CALN1: variants seen among roughly 807,000 people sequenced by gnomAD.
CALN1 encodes calneuron 1.
A neutral mutation model predicts 30.6 loss-of-function variants in CALN1; 17 were observed. That is an observed-to-expected ratio of 0.56 (90% CI 0.38 to 0.83). CALN1 has a LOEUF of 0.83. Among genes scored for constraint, CALN1 ranks in the 40% least tolerant of loss-of-function variants. The pLI, the probability that CALN1 is intolerant of heterozygous loss-of-function variation, is 0.00. For missense variants in CALN1, 291 were observed against 354.9 expected (o/e 0.82, Z 1.45); for synonymous variants, 156 against 131.4 (o/e 1.19, Z -1.28).
intron 3 of CALN1, among the ~76,000 whole-genome samples, chr7:72,152,907 T>C: frequency 6.8e-6 from 1 of 147,856 alleles, no homozygotes; most frequent in South Asian, 2.1e-4. Context: ...GCACTGTTTG[T>C]CCCCAGACTG....
intron 2 of CALN1, among the ~76,000 whole-genome samples, chr7:72,310,960 C>T (rs952364844): frequency 1.3e-4 from 19 of 148,570 alleles, no homozygotes; most frequent in Non-Finnish European, 1.9e-4. Context: ...TATATATATA[C>T]GGTGGATCCT....
chr7:71,946,738 C>T (rs1562926823), intron 5 of CALN1, among the ~76,000 whole-genome samples: 1 of 152,010 alleles, frequency 6.6e-6, no homozygotes, highest in African/African-American at 2.4e-5. Context: ...CTTTTTTCCT[C>T]CTTGAGATGG....
intron 1 of CALN1, among the ~76,000 whole-genome samples, chr7:72,411,211 T>C (rs770122654): frequency 2.0e-5 from 3 of 152,112 alleles, no homozygotes; most frequent in Non-Finnish European, 4.4e-5. Flanking sequence ...GAAAATGAAC[T>C]GAAACATGCA....
At chr7:72,178,022 G>A (rs1190262236) in intron 3 of CALN1, among the ~76,000 whole-genome samples, 3 of 152,140 alleles carry the variant, frequency 2.0e-5, no homozygotes, top group Admixed American at 1.3e-4. Context: ...TGAATCTGAG[G>A]CCTTTTATTA....
chr7:72,438,887 G>A (rs1396303164), intron 1 of CALN1, among the ~76,000 whole-genome samples: 1 of 152,130 alleles, frequency 6.6e-6, no homozygotes, highest in Non-Finnish European at 1.5e-5. Context: ...GCTATCCAAA[G>A]TATGTTATGG....
At chr7:72,205,551 A>AATATATAC (rs1554319584) in intron 3 of CALN1, among the ~76,000 whole-genome samples, 3 of 83,042 alleles carry the variant, frequency 3.6e-5, no homozygotes, top group East Asian at 8.8e-4. Flanking sequence ...GCAAAAAAAA[A>AATATATAC]ATATATATAT....
intron 5 of CALN1, among the ~76,000 whole-genome samples, chr7:71,997,083 G>T (rs73187050): frequency 0.13 from 19,803 of 152,034 alleles, 1,628 homozygotes; most frequent in Middle Eastern, 0.21. Context: ...ATTTAAATTA[G>T]CTGGTTGTGG....
At chr7:71,855,121 T>C (rs1170149071) in intron 5 of CALN1, among the ~76,000 whole-genome samples, 2 of 152,166 alleles carry the variant, frequency 1.3e-5, no homozygotes, top group Non-Finnish European at 2.9e-5. Context: ...AAGAAAGGGA[T>C]ATGGAATTGT....
At chr7:72,320,766 C>T (rs1305658000) in intron 2 of CALN1, among the ~76,000 whole-genome samples, 1 of 134,850 alleles carries the variant, frequency 7.4e-6, no homozygotes, top group African/African-American at 2.8e-5. Flanking sequence ...GCCAGGGAGG[C>T]GGAGGTTGCA....
intron 2 of CALN1, among the ~76,000 whole-genome samples, chr7:72,303,363 G>T (rs189356350): frequency 6.6e-6 from 1 of 152,154 alleles, no homozygotes; most frequent in Admixed American, 6.6e-5. Context: ...GGGAGTTCAA[G>T]ACCAGCCTGA....
intron 5 of CALN1, among the ~76,000 whole-genome samples, chr7:72,004,742 A>C (rs374084042): frequency 6.6e-6 from 1 of 152,182 alleles, no homozygotes; most frequent in Non-Finnish European, 1.5e-5. Flanking sequence ...TGCAAACAAC[A>C]TATCTGGCCA....
At chr7:72,370,191 C>A (rs893951366) in intron 2 of CALN1, among the ~76,000 whole-genome samples, 1 of 152,138 alleles carries the variant, frequency 6.6e-6, no homozygotes, top group Non-Finnish European at 1.5e-5. Context: ...CATTGTAGTT[C>A]TCATTTACAT....
chr7:71,815,978 A>T (rs1367958871), intron 5 of CALN1, among the ~76,000 whole-genome samples: 1 of 151,414 alleles, frequency 6.6e-6, no homozygotes, highest in East Asian at 2.0e-4. Context: ...CCTGGGCTCA[A>T]GCAATCTTCT....
At chr7:72,347,402 G>C (rs1055297611) in intron 2 of CALN1, among the ~76,000 whole-genome samples, 2 of 151,962 alleles carry the variant, frequency 1.3e-5, no homozygotes, top group Non-Finnish European at 2.9e-5. Flanking sequence ...GAGTAGCTGG[G>C]ATTACAGGCA....
chr7:72,000,377 G>A (rs1799465075), intron 5 of CALN1, among the ~76,000 whole-genome samples: 1 of 151,946 alleles, frequency 6.6e-6, no homozygotes, highest in South Asian at 2.1e-4. Flanking sequence ...ATTAAGAAGA[G>A]AATAGGGGAA....
chr7:72,185,181 A>G (rs16869610), intron 3 of CALN1, among the ~76,000 whole-genome samples: 38,065 of 151,868 alleles, frequency 0.25, 5,971 homozygotes, highest in East Asian at 0.68. Context: ...CTCTGGGCCA[A>G]TCAGCTCACC....
At chr7:72,014,795 G>A (rs910726116) in intron 5 of CALN1, among the ~76,000 whole-genome samples, 13 of 152,166 alleles carry the variant, frequency 8.5e-5, no homozygotes, top group African/African-American at 3.1e-4. Context: ...CCTAGTACCT[G>A]GGACTACAGG....
intron 1 of CALN1, among the ~76,000 whole-genome samples, chr7:72,443,028 G>C (rs1186933632): frequency 2.6e-5 from 4 of 152,228 alleles, no homozygotes. Context: ...ATGTAGGGTT[G>C]CACTTATTTA....
At position 72,190,490 on chromosome 7, in the gene CALN1, CT is replaced by C. The variant is rs369552878; in HGVS notation, c.245-84197del. On this transcript the variant is annotated intron_variant, in intron 3 of 6. Transcript: ENST00000395275. ...ACTTATTTGACTGTGGACCTTTCCC[CT>C]GGCACATCTATTCACATTTCCCAGC... Among the ~76,000 whole-genome samples, 1,189 of 152,330 alleles carry C rather than the reference CT, an allele frequency of 7.8e-3. 20 individuals carry two copies. Among genetic ancestry groups the C allele is most frequent in the African/African-American group, 0.026 (1,092 of 41,568 alleles).
Sources: allele counts gnomAD v4.1 joint callset (sites outside exome capture counted in the v4.1 genomes callset), GRCh38; gene constraint gnomAD v4.1.1; transcripts MANE v1.5; gene names NCBI Gene and HGNC (gene_info 2026-07-23, HGNC 2026-07-21).